COL5A1: variants seen among roughly 807,000 people sequenced by gnomAD.
COL5A1 encodes collagen type V alpha 1 chain.
In COL5A1, 16 loss-of-function variants were observed where a neutral mutation model predicts 263.7. The observed-to-expected ratio is 0.06, with a 90% CI of 0.04 to 0.09. The LOEUF is 0.09. Among genes scored for constraint, COL5A1 ranks in the 10% least tolerant of loss-of-function variants. COL5A1 has a pLI of 1.00. For synonymous variants in COL5A1, 1,012 were observed against 1,004.5 expected (o/e 1.01, Z -0.14); for missense variants, 2,036 against 2,540.5 (o/e 0.80, Z 4.27).
chr9:134,738,356 A>C, intron 9 of COL5A1, 118 bp from the exon 10 acceptor site: 1 of 1,126,474 alleles, frequency 8.9e-7, no homozygotes, highest in Non-Finnish European at 1.3e-6. Flanking sequence ...TCCCCAGGAC[A>C]GCAGGAGCTG....
At chr9:134,756,680 A>G in intron 16 of COL5A1, 85 bp from the exon 17 acceptor site, 3 of 1,444,516 alleles carry the variant, frequency 2.1e-6, no homozygotes, top group East Asian at 2.3e-5. Context: ...GGAACGCTCA[A>G]CTTGGTTTAA....
chr9:134,703,354 G>C (rs7028694), intron 4 of COL5A1, among the ~76,000 whole-genome samples: 29,833 of 152,252 alleles, frequency 0.2, 5,191 homozygotes, highest in African/African-American at 0.47. Flanking sequence ...GGCTATTCTG[G>C]GGAGCTGGGG....
chr9:134,819,151 ATGT>A (rs2132865684), intron 57 of COL5A1, 98 bp downstream of exon 57: 4 of 1,285,054 alleles, frequency 3.1e-6, no homozygotes, highest in Non-Finnish European at 4.5e-6. Context: ...CGTCACCTAA[ATGT>A]GTCAAGCACC....
At chr9:134,760,537 TACAC>T (rs1478104310) in intron 18 of COL5A1, among the ~76,000 whole-genome samples, 2 of 51,084 alleles carry the variant, frequency 3.9e-5, no homozygotes, top group Admixed American at 2.8e-4. Context: ...CCCACACTCA[TACAC>T]CCACACACAC....
chr9:134,835,761 G>A (rs1839831098), intron 65 of COL5A1, among the ~76,000 whole-genome samples: 1 of 152,182 alleles, frequency 6.6e-6, no homozygotes, highest in South Asian at 2.1e-4. Flanking sequence ...GGGCAGTCAG[G>A]GCTGGTATTG....
intron 18 of COL5A1, among the ~76,000 whole-genome samples, chr9:134,761,554 C>A (rs968545770): frequency 1.3e-5 from 2 of 152,362 alleles, no homozygotes; most frequent in East Asian, 3.9e-4. Context: ...AGGCTGCAGG[C>A]AGGCGGGGCT....
Position 134,754,362 on chromosome 9 carries a change from A to C in COL5A1, c.1827+36A>C, listed in dbSNP as rs1450920841. ...CGAGTGTGTGTGGTTTAGTGACAGC[A>C]GCTTGGGCGCTGGAGGAGCCCAAAT... On this transcript the variant is annotated intron_variant, in intron 16 of 65. Transcript: ENST00000371817. The surrounding 1 kb of genome is among the most constrained non-coding windows in gnomAD (Gnocchi z 4.3). 1.9e-6 allele frequency: 3 copies of C among 1,613,458 alleles called. No homozygotes were observed. Among genetic ancestry groups the C allele is most frequent in the African/African-American group, 2.7e-5 (2 of 75,056 alleles).
At chr9:134,713,611 T>C (rs922655358) in intron 4 of COL5A1, among the ~76,000 whole-genome samples, 2 of 152,146 alleles carry the variant, frequency 1.3e-5, no homozygotes, top group South Asian at 4.1e-4. Flanking sequence ...AACAATCAAT[T>C]GTACAAGCGC....
intron 19 of COL5A1, among the ~76,000 whole-genome samples, chr9:134,762,394 A>C (rs1333990802): frequency 6.6e-6 from 1 of 152,234 alleles, no homozygotes; most frequent in Non-Finnish European, 1.5e-5. Context: ...GAGGAGCAGA[A>C]GAGGGTGGGG....
chr9:134,750,963 C>T, intron 13 of COL5A1, 81 bp downstream of exon 13: 1 of 1,202,322 alleles, frequency 8.3e-7, no homozygotes. Flanking sequence ...GAGTCAGGCT[C>T]AGAGCCCAAC....
At chr9:134,750,708 C>A in intron 12 of COL5A1, 82 bp from the exon 13 acceptor site, 5 of 1,592,730 alleles carry the variant, frequency 3.1e-6, no homozygotes, top group Non-Finnish European at 4.3e-6. Flanking sequence ...ACTGGAGAGG[C>A]CTGTGGGCCC....
rs538902460 is a variant in COL5A1, at chr9:134,841,938, C to T, written c.5371-219C>T. Among the ~76,000 whole-genome samples the T allele has an allele frequency of 9.7e-4, 147 of 152,268 alleles. No individual in the cohort carries two copies. Among genetic ancestry groups the T allele is most frequent in the African/African-American group, 3.2e-3 (133 of 41,540 alleles). On this transcript the variant is annotated intron_variant, in intron 65 of 65. Transcript: ENST00000371817. This position sits in a 1 kb window ranked among gnomAD's most constrained non-coding sequence, Gnocchi z 4.8. ...GCTGATGCCCACACCACCCCACCTCCGACCTGTGCAGGGGGACTCTTGGGA... is the reference window on the plus strand; with the variant it reads ...GCTGATGCCCACACCACCCCACCTCTGACCTGTGCAGGGGGACTCTTGGGA...
chr9:134,671,847 G>A (rs981027461), intron 1 of COL5A1, among the ~76,000 whole-genome samples: 10 of 152,236 alleles, frequency 6.6e-5, no homozygotes, highest in Non-Finnish European at 1.2e-4. Context: ...GGCAAGTGCT[G>A]TCCGATGCCA....
chr9:134,654,438 G>T (rs1020661950), intron 1 of COL5A1, among the ~76,000 whole-genome samples: 56 of 119,032 alleles, frequency 4.7e-4, no homozygotes, highest in Non-Finnish European at 7.2e-4. Context: ...TAGGGCTGGA[G>T]GTGTGTAGGG....
chr9:134,705,514 G>A (rs1347112826), intron 4 of COL5A1, among the ~76,000 whole-genome samples: 2 of 152,244 alleles, frequency 1.3e-5, no homozygotes, highest in South Asian at 2.1e-4. Flanking sequence ...GCATTCTGCC[G>A]GCAGGTCCCC....
At chr9:134,822,919 A>G (rs1839075866) in intron 59 of COL5A1, 79 bp from the exon 60 acceptor site, 2 of 1,543,642 alleles carry the variant, frequency 1.3e-6, no homozygotes, top group African/African-American at 1.4e-5. Context: ...GGGCGAGACC[A>G]GGCTGGGCAG....
At position 134,822,877 on chromosome 9, in the gene COL5A1, CTT is replaced by C. The variant is rs1052436700; in HGVS notation, c.4609-120_4609-119del. 4.4e-6 allele frequency: 5 copies of C among 1,127,880 alleles called. No individual in the cohort carries two copies. In the African/African-American group the frequency reaches 7.7e-5, roughly 17 times the overall value. 69.9% of individuals were successfully genotyped at this position (1,127,880 alleles called of 1,614,324 possible). A position where few individuals can be genotyped will look rare whatever the true frequency, so the allele number is the denominator to read the frequency against. On this transcript the variant is annotated intron_variant, in intron 59 of 65. Transcript: ENST00000371817. ...AGCCGGGCAAATACAAGCATAGACTCTTGAGGGGGATGCGGGTGGGAGAGGGG... is the reference window on the plus strand; with the variant it reads ...AGCCGGGCAAATACAAGCATAGACTCGAGGGGGATGCGGGTGGGAGAGGGG...
At chr9:134,788,544 G>A (rs1837551484) in intron 31 of COL5A1, among the ~76,000 whole-genome samples, 1 of 148,952 alleles carries the variant, frequency 6.7e-6, no homozygotes, top group African/African-American at 2.5e-5. Context: ...GGAGGGGTGG[G>A]TGGATAGGTA....
chr9:134,767,164 C>T (rs1400358301), intron 23 of COL5A1, 111 bp downstream of exon 23: 7 of 1,417,302 alleles, frequency 4.9e-6, no homozygotes, highest in Non-Finnish European at 6.9e-6. Context: ...CAAGTAGCAG[C>T]CCCTCCCCTT....
Sources: gnomAD v4.1 joint callset for allele counts (sites outside exome capture counted in the v4.1 genomes callset) on GRCh38, gnomAD v4.1.1 for gene constraint, Gnocchi (gnomAD v3.1) non-coding constraint, MANE v1.5 for transcripts, NCBI Gene and HGNC (gene_info 2026-07-23, HGNC 2026-07-21) for gene names.